Variants in LUZP2 observed in about 807,000 individuals in gnomAD.
The protein encoded by LUZP2 is leucine zipper protein 2.
LUZP2 carries 52 observed loss-of-function variants against 51.6 expected under a neutral mutation model. That is an observed-to-expected ratio of 1.01 (90% CI 0.81 to 1.27). The LOEUF is 1.27. LUZP2 is among the 50% of genes most tolerant of loss of function. The probability of loss-of-function intolerance (pLI) is 0.00; values close to 1 mark genes in which losing one functional copy is unlikely to be tolerated. For synonymous variants in LUZP2, 154 were observed against 137.3 expected (o/e 1.12, Z -0.85); for missense variants, 436 against 395.4 (o/e 1.10, Z -0.87).
At chr11:25,069,658 CAG>C in intron 10 of LUZP2, among the ~76,000 whole-genome samples, 1 of 151,656 alleles carries the variant, frequency 6.6e-6, no homozygotes, top group Non-Finnish European at 1.5e-5. Context: ...TAAAAAGTGA[CAG>C]GGTATACATG....
chr11:24,868,374 A>G (rs1239801434), intron 5 of LUZP2, among the ~76,000 whole-genome samples: 1 of 152,136 alleles, frequency 6.6e-6, no homozygotes, highest in Non-Finnish European at 1.5e-5. Flanking sequence ...TGCATTCCAT[A>G]TTCTTGTCAC....
chr11:24,601,209 C>T (rs563910747), intron 1 of LUZP2, among the ~76,000 whole-genome samples: 1 of 152,004 alleles, frequency 6.6e-6, no homozygotes, highest in African/African-American at 2.4e-5. Flanking sequence ...ACTTGAGATG[C>T]CAAATTCTAC....
At chr11:24,811,542 G>T (rs1275404099) in intron 5 of LUZP2, among the ~76,000 whole-genome samples, 1 of 151,492 alleles carries the variant, frequency 6.6e-6, no homozygotes, top group African/African-American at 2.4e-5. Flanking sequence ...GTGCAGGTTT[G>T]TTACATAGAT....
chr11:25,001,425 A>T (rs1304758709), intron 9 of LUZP2, among the ~76,000 whole-genome samples: 1 of 152,066 alleles, frequency 6.6e-6, no homozygotes, highest in African/African-American at 2.4e-5. Flanking sequence ...TTCCTCCTAG[A>T]TTTGTCAGAC....
chr11:25,028,143 A>G (rs2133985558), intron 9 of LUZP2, among the ~76,000 whole-genome samples: 1 of 152,284 alleles, frequency 6.6e-6, no homozygotes, highest in South Asian at 2.1e-4. Flanking sequence ...TACAATGCGT[A>G]ATAGTCACAT....
At chr11:24,985,838 A>G (rs1046367955) in intron 9 of LUZP2, among the ~76,000 whole-genome samples, 3 of 151,714 alleles carry the variant, frequency 2.0e-5, no homozygotes, top group Non-Finnish European at 4.4e-5. Context: ...CTGAATAAGG[A>G]TATTAGATTA....
At chr11:24,539,184 G>A (rs917824625) in intron 1 of LUZP2, among the ~76,000 whole-genome samples, 18 of 151,904 alleles carry the variant, frequency 1.2e-4, no homozygotes, top group Middle Eastern at 3.4e-3. Context: ...AACAAAAAAT[G>A]TTCTTCTCTT....
rs1048293477 is a variant in LUZP2, at chr11:25,007,552, G to A, written c.765+24259G>A. On this transcript the variant is annotated intron_variant, in intron 9 of 11. Transcript: ENST00000336930. ...TGGGAGGTAAAGGTTGCAGTGGGCCGAGCTCACACCACTGTACTCCAGCCT... is the reference window on the plus strand; with the variant it reads ...TGGGAGGTAAAGGTTGCAGTGGGCCAAGCTCACACCACTGTACTCCAGCCT... Among the ~76,000 whole-genome samples, 6 of 152,150 alleles carry A rather than the reference G, an allele frequency of 3.9e-5. No homozygotes were observed. The South Asian group carries it at 8.3e-4, about 21-fold the overall frequency.
intron 5 of LUZP2, among the ~76,000 whole-genome samples, chr11:24,841,186 G>A (rs1851020323): frequency 6.6e-6 from 1 of 151,766 alleles, no homozygotes; most frequent in African/African-American, 2.4e-5. Flanking sequence ...GAGTAGTGAG[G>A]GTGAAACTTC....
intron 1 of LUZP2, among the ~76,000 whole-genome samples, chr11:24,585,495 A>G (rs1001170678): frequency 2.0e-5 from 3 of 152,090 alleles, no homozygotes; most frequent in Admixed American, 1.3e-4. Flanking sequence ...TTTCCAGCTT[A>G]GCTTTTTTTT....
chr11:24,991,248 C>G (rs1384818556), intron 9 of LUZP2, among the ~76,000 whole-genome samples: 1 of 151,814 alleles, frequency 6.6e-6, no homozygotes, highest in African/African-American at 2.4e-5. Context: ...AGTTACTTCA[C>G]TTAGAATAAT....
intron 1 of LUZP2, among the ~76,000 whole-genome samples, chr11:24,555,966 A>G (rs1420984908): frequency 6.6e-6 from 1 of 152,206 alleles, no homozygotes; most frequent in Non-Finnish European, 1.5e-5. Flanking sequence ...CAACAGAGCA[A>G]GAGCCTGTCT....
intron 5 of LUZP2, among the ~76,000 whole-genome samples, chr11:24,795,291 ACTC>A (rs1161525091): frequency 8.6e-5 from 13 of 151,858 alleles, no homozygotes; most frequent in Non-Finnish European, 1.9e-4. Context: ...TTTACTTTTT[ACTC>A]CACCTAGAGA....
chr11:24,740,729 G>A (rs1859105262), intron 4 of LUZP2, among the ~76,000 whole-genome samples: 1 of 152,072 alleles, frequency 6.6e-6, no homozygotes, highest in Non-Finnish European at 1.5e-5. Flanking sequence ...TTAAACTAAA[G>A]TCATTCCCCT....
chr11:24,783,918 G>T (rs564507929), intron 5 of LUZP2, among the ~76,000 whole-genome samples: 1 of 152,012 alleles, frequency 6.6e-6, no homozygotes, highest in East Asian at 1.9e-4. Context: ...TGCTGTTGCT[G>T]TTGTTGTTGG....
At chr11:24,883,248 G>C (rs890103593) in intron 5 of LUZP2, among the ~76,000 whole-genome samples, 1 of 151,894 alleles carries the variant, frequency 6.6e-6, no homozygotes, top group Non-Finnish European at 1.5e-5. Flanking sequence ...CGTTAAGAGC[G>C]TAGGAAGAAA....
At chr11:24,991,387 T>G (rs1366520327) in intron 9 of LUZP2, among the ~76,000 whole-genome samples, 1 of 83,252 alleles carries the variant, frequency 1.2e-5, no homozygotes, top group Non-Finnish European at 2.6e-5. Flanking sequence ...TGTGTGTGTG[T>G]GTGTGTGTGT....
At chr11:24,631,094 G>T (rs1854873580) in intron 1 of LUZP2, among the ~76,000 whole-genome samples, 1 of 151,754 alleles carries the variant, frequency 6.6e-6, no homozygotes, top group African/African-American at 2.4e-5. Flanking sequence ...AAGTTTTCTG[G>T]TGCCATCTTT....
intron 9 of LUZP2, among the ~76,000 whole-genome samples, chr11:25,037,470 A>G (rs1453990582): frequency 1.3e-5 from 2 of 152,102 alleles, no homozygotes; most frequent in Admixed American, 6.5e-5. Flanking sequence ...GTTAATACTG[A>G]TATGTGTGAT....
Sources: allele counts gnomAD v4.1 joint callset (sites outside exome capture counted in the v4.1 genomes callset), GRCh38; gene constraint gnomAD v4.1.1; transcripts MANE v1.5; gene names NCBI Gene and HGNC (gene_info 2026-07-23, HGNC 2026-07-21).